The following THSD7B variants were observed in gnomAD, a reference collection of about 807,000 sequenced individuals.
THSD7B encodes thrombospondin type 1 domain containing 7B, also known as thrombospondin type-1 domain-containing protein 7B.
Under a neutral mutation model 213.6 loss-of-function variants are expected in THSD7B, and 138 were observed. The ratio of observed to expected loss-of-function variants is 0.65; its 90% CI spans 0.56 to 0.74. The LOEUF is 0.74. Ranked by LOEUF, THSD7B falls within the 30% of genes least tolerant of loss-of-function variation. THSD7B has a pLI of 0.00. For missense variants in THSD7B, 1,931 were observed against 1,991.5 expected (o/e 0.97, Z 0.58); for synonymous variants, 742 against 687.0 (o/e 1.08, Z -1.25).
chr2:137,257,941 C>T (rs2105079478), intron 10 of THSD7B, among the ~76,000 whole-genome samples: 1 of 152,222 alleles, frequency 6.6e-6, no homozygotes, highest in South Asian at 2.1e-4. Context: ...CTCTGTGTCT[C>T]CATTTTCTTA....
intron 1 of THSD7B, among the ~76,000 whole-genome samples, chr2:136,792,901 T>A (rs543582607): frequency 1.3e-5 from 2 of 152,166 alleles, no homozygotes; most frequent in African/African-American, 4.8e-5. Context: ...TCATCCATGT[T>A]ATTGCATTTA....
In THSD7B at chr2:137,236,238, G is replaced by A. The variant is rs77568524; in HGVS notation, c.2150+3105G>A. On this transcript the variant is annotated intron_variant, in intron 9 of 27. Transcript: ENST00000409968. ...TGGCCTTCAGAAAACAGAGAAGGAC[G>A]CATGTCTCCATGGAACGTGTGGTTC... 1.6e-4 allele frequency among the ~76,000 whole-genome samples: 25 copies of A among 152,284 alleles called. No individual in the cohort carries two copies. The South Asian group carries it at 3.1e-3, about 19-fold the overall frequency.
intron 12 of THSD7B, among the ~76,000 whole-genome samples, chr2:137,365,018 G>T (rs866828975): frequency 2.6e-5 from 4 of 152,136 alleles, no homozygotes; most frequent in Non-Finnish European, 5.9e-5. Flanking sequence ...ACCCCAAACA[G>T]CATGGTGCTG....
intron 12 of THSD7B, among the ~76,000 whole-genome samples, chr2:137,355,590 A>G (rs542186235): frequency 2.4e-4 from 37 of 152,184 alleles, no homozygotes; most frequent in Non-Finnish European, 4.9e-4. Context: ...TAAGATTAAA[A>G]CACAGGAGTA....
intron 12 of THSD7B, among the ~76,000 whole-genome samples, chr2:137,367,007 A>T (rs1349521846): frequency 6.6e-6 from 1 of 152,132 alleles, no homozygotes; most frequent in Non-Finnish European, 1.5e-5. Flanking sequence ...TACATCTTCA[A>T]GGTTAATATG....
chr2:136,847,397 A>G (rs1683028955), intron 1 of THSD7B, among the ~76,000 whole-genome samples: 1 of 152,174 alleles, frequency 6.6e-6, no homozygotes, highest in Admixed American at 6.6e-5. Flanking sequence ...CTATTTGGAT[A>G]GGATTACAGG....
chr2:137,197,751 T>A (rs1680794601), intron 7 of THSD7B, among the ~76,000 whole-genome samples: 1 of 152,206 alleles, frequency 6.6e-6, no homozygotes, highest in Non-Finnish European at 1.5e-5. Flanking sequence ...AGCATTCTCT[T>A]AACATTTTAG....
At chr2:137,415,775 T>C (rs1686785693) in intron 14 of THSD7B, among the ~76,000 whole-genome samples, 1 of 149,722 alleles carries the variant, frequency 6.7e-6, no homozygotes, top group East Asian at 2.1e-4. Flanking sequence ...CTCCTTTCAT[T>C]CAGGTCTCTG....
chr2:137,121,819 A>G (rs1432212), intron 5 of THSD7B, among the ~76,000 whole-genome samples: 106,074 of 152,132 alleles, frequency 0.7, 38,225 homozygotes, highest in Non-Finnish European at 0.78. Flanking sequence ...AGAATGATAT[A>G]TTGAGTTTGA....
chr2:137,503,799 G>A (rs1373042433), intron 15 of THSD7B, among the ~76,000 whole-genome samples: 4 of 152,076 alleles, frequency 2.6e-5, no homozygotes, highest in African/African-American at 9.7e-5. Flanking sequence ...GGCTGAGGCA[G>A]GTGAATCACA....
chr2:136,904,537 A>G (rs1031180757), intron 2 of THSD7B, among the ~76,000 whole-genome samples: 3 of 151,790 alleles, frequency 2.0e-5, no homozygotes, highest in African/African-American at 7.3e-5. Flanking sequence ...TATGAAAATA[A>G]CTCCATGTTC....
chr2:137,333,927 A>G (rs1475081010), intron 12 of THSD7B, among the ~76,000 whole-genome samples: 5 of 152,180 alleles, frequency 3.3e-5, no homozygotes, highest in Non-Finnish European at 5.9e-5. Flanking sequence ...ATTGTCTAAT[A>G]TGGTTCTAAA....
intron 6 of THSD7B, among the ~76,000 whole-genome samples, chr2:137,166,986 C>G (rs948004171): frequency 6.6e-6 from 1 of 152,008 alleles, no homozygotes; most frequent in Non-Finnish European, 1.5e-5. Flanking sequence ...AATAATGATA[C>G]TATAAGATAC....
intron 2 of THSD7B, among the ~76,000 whole-genome samples, chr2:136,911,777 T>C (rs1260165355): frequency 1.3e-5 from 2 of 152,226 alleles, no homozygotes; most frequent in Non-Finnish European, 2.9e-5. Flanking sequence ...ATGCTACTAC[T>C]ACTACAAGAG....
At chr2:137,515,827 G>A (rs991700922) in intron 15 of THSD7B, among the ~76,000 whole-genome samples, 4 of 152,216 alleles carry the variant, frequency 2.6e-5, no homozygotes, top group Non-Finnish European at 5.9e-5. Flanking sequence ...TCCAAAGGCT[G>A]AAGGAGATTG....
chr2:136,967,052 G>A (rs1344466955), intron 2 of THSD7B, among the ~76,000 whole-genome samples: 2 of 152,068 alleles, frequency 1.3e-5, no homozygotes, highest in Non-Finnish European at 1.5e-5. Context: ...AAGCTTCCTG[G>A]GGAAGCGAAT....
intron 20 of THSD7B, among the ~76,000 whole-genome samples, chr2:137,633,315 G>A (rs1006261757): frequency 6.6e-6 from 1 of 152,134 alleles, no homozygotes; most frequent in South Asian, 2.1e-4. Flanking sequence ...GAAATTTACT[G>A]TGATGAGTAC....
At chr2:137,508,859 G>T (rs530923012) in intron 15 of THSD7B, among the ~76,000 whole-genome samples, 3 of 151,988 alleles carry the variant, frequency 2.0e-5, no homozygotes, top group African/African-American at 7.2e-5. Flanking sequence ...GTGGTCAGAG[G>T]AGAGACCTGA....
At chr2:137,263,225 G>C (rs1027331889) in intron 10 of THSD7B, among the ~76,000 whole-genome samples, 1 of 151,624 alleles carries the variant, frequency 6.6e-6, no homozygotes, top group African/African-American at 2.4e-5. Flanking sequence ...TATACAAAGG[G>C]CTTTCATATA....
Sources: gnomAD v4.1 joint callset for allele counts (sites outside exome capture counted in the v4.1 genomes callset) on GRCh38, gnomAD v4.1.1 for gene constraint, MANE v1.5 for transcripts, NCBI Gene and HGNC (gene_info 2026-07-23, HGNC 2026-07-21) for gene names.